LRRC7: variants seen among roughly 807,000 people sequenced by gnomAD.
LRRC7 encodes the protein leucine-rich repeat-containing protein 7.
A neutral mutation model predicts 175.7 loss-of-function variants in LRRC7; 23 were observed. The observed-to-expected ratio is 0.13, with a 90% CI of 0.09 to 0.19. LRRC7 has a LOEUF of 0.19. Ranked by LOEUF, LRRC7 falls within the 10% of genes least tolerant of loss-of-function variation. The probability of loss-of-function intolerance (pLI) is 1.00; values close to 1 mark genes in which losing one functional copy is unlikely to be tolerated. For missense variants in LRRC7, 1,354 were observed against 1,904.7 expected (o/e 0.71, Z 5.38); for synonymous variants, 685 against 680.9 (o/e 1.01, Z -0.09).
At chr1:69,951,363 T>C (rs1649906429) in intron 8 of LRRC7, among the ~76,000 whole-genome samples, 1 of 152,090 alleles carries the variant, frequency 6.6e-6, no homozygotes, top group African/African-American at 2.4e-5. Flanking sequence ...GTTCAACCAC[T>C]GTGGAAAGCA....
rs1261899483 is a variant in LRRC7 at position 70,136,396 on chromosome 1, C to T, written c.*14509C>T. On this transcript the variant is annotated 3_prime_UTR_variant, in exon 27 of 27. Coordinates refer to ENST00000651989, the MANE Select transcript of LRRC7 (RefSeq NM_001370785.2). The stretch of plus-strand genomic sequence containing the variant: ...GACCATTCTAAGGTTTGTCCTCTAG[C>T]CAATCTATATGTTTATCCTTTTTTA... 1.3e-5 allele frequency among the ~76,000 whole-genome samples: 2 copies of T among 152,052 alleles called. No individual in the cohort carries two copies. Among genetic ancestry groups the T allele is most frequent in the African/African-American group, 4.8e-5 (2 of 41,390 alleles).
intron 23 of LRRC7, among the ~76,000 whole-genome samples, chr1:70,070,089 G>C (rs773045339): frequency 1.3e-5 from 2 of 152,106 alleles, no homozygotes; most frequent in South Asian, 2.1e-4. Flanking sequence ...GACCTCCTGA[G>C]CTCAGGTGAT....
intron 4 of LRRC7, among the ~76,000 whole-genome samples, chr1:69,795,544 G>C (rs1464227024): frequency 6.6e-6 from 1 of 152,120 alleles, no homozygotes; most frequent in East Asian, 1.9e-4. Flanking sequence ...TGCTGAAAAA[G>C]AGGCAAGACC....
At chr1:70,031,780 C>A (rs546771529) in intron 18 of LRRC7, among the ~76,000 whole-genome samples, 11 of 150,688 alleles carry the variant, frequency 7.3e-5, no homozygotes, top group African/African-American at 2.7e-4. Context: ...CCCAGCTTCA[C>A]AAGGATTTTC....
At chr1:70,102,353 C>G (rs1047492468) in intron 25 of LRRC7, among the ~76,000 whole-genome samples, 1 of 152,040 alleles carries the variant, frequency 6.6e-6, no homozygotes, top group African/African-American at 2.4e-5. Flanking sequence ...GCCAATGTCC[C>G]CTTATTTGTT....
At chr1:69,585,433 A>G (rs1382534403) in intron 1 of LRRC7, among the ~76,000 whole-genome samples, 1 of 152,186 alleles carries the variant, frequency 6.6e-6, no homozygotes, top group Non-Finnish European at 1.5e-5. Context: ...AAGTTTTATT[A>G]CATCAGAAAA....
chr1:70,021,478 A>G (rs941652930), intron 16 of LRRC7: 8 of 171,144 alleles, frequency 4.7e-5, no homozygotes, highest in African/African-American at 1.9e-4. Context: ...TTTTTTAATC[A>G]CTGAGCAAAG....
intron 2 of LRRC7, among the ~76,000 whole-genome samples, chr1:69,745,757 G>A (rs183672372): frequency 3.8e-4 from 57 of 150,100 alleles, no homozygotes; most frequent in African/African-American, 1.2e-3. Flanking sequence ...ATTTCTTAGT[G>A]GTGCAACCTT....
At chr1:69,735,089 T>C (rs541478288) in intron 2 of LRRC7, among the ~76,000 whole-genome samples, 1 of 152,110 alleles carries the variant, frequency 6.6e-6, no homozygotes, top group South Asian at 2.1e-4. Flanking sequence ...CTTTAAATAT[T>C]TCATATTGCC....
chr1:69,931,710 T>C (rs1647401336), intron 8 of LRRC7, 140 bp downstream of exon 8: 1 of 708,070 alleles, frequency 1.4e-6, no homozygotes, highest in Non-Finnish European at 2.4e-6. Flanking sequence ...GAAGTTAATA[T>C]TAGCTTTCAC....
chr1:69,924,562 T>C (rs1031506825), intron 7 of LRRC7, among the ~76,000 whole-genome samples: 89 of 152,316 alleles, frequency 5.8e-4, no homozygotes, highest in Non-Finnish European at 1.1e-3. Flanking sequence ...CTTGAAGCAA[T>C]TGTGAATGGG....
chr1:69,746,711 A>G lies in LRRC7; in HGVS notation c.101-13480A>G, dbSNP rs1669295816. Among the ~76,000 whole-genome samples, 5 of 152,122 alleles carry G rather than the reference A, an allele frequency of 3.3e-5. No individual in the cohort carries two copies. In the South Asian group the frequency reaches 1.0e-3, roughly 31 times the overall value. On this transcript the variant is annotated intron_variant, in intron 2 of 26. Transcript: ENST00000651989. ...AATAAACAGCTCATGCTACCTCTAG[A>G]GATTGACAAGAAAACAATGGTAATA...
intron 8 of LRRC7, among the ~76,000 whole-genome samples, chr1:69,972,900 G>T (rs539787251): frequency 1.4e-5 from 2 of 147,084 alleles, no homozygotes; most frequent in South Asian, 2.1e-4. Flanking sequence ...TAGGGAAACT[G>T]TTTATATATA....
intron 23 of LRRC7, among the ~76,000 whole-genome samples, chr1:70,072,455 T>C (rs1199685471): frequency 6.6e-6 from 1 of 152,218 alleles, no homozygotes; most frequent in Non-Finnish European, 1.5e-5. Context: ...TTATTGTCCC[T>C]CTAGATGTCT....
chr1:69,570,180 C>A (rs1468970765), intron 1 of LRRC7, among the ~76,000 whole-genome samples: 1 of 152,052 alleles, frequency 6.6e-6, no homozygotes. Flanking sequence ...GAGAAGAGTG[C>A]ATTCCAGCGA....
chr1:70,018,610 CT>C (rs1450015459), intron 14 of LRRC7, 108 bp from the exon 15 acceptor site: 3 of 542,336 alleles, frequency 5.5e-6, no homozygotes, highest in Non-Finnish European at 9.4e-6. Flanking sequence ...TATTTTATTT[CT>C]TTTTTCACTT....
intron 7 of LRRC7, among the ~76,000 whole-genome samples, chr1:69,847,338 A>G (rs1457212254): frequency 6.6e-6 from 1 of 152,166 alleles, no homozygotes; most frequent in Non-Finnish European, 1.5e-5. Context: ...AAATACACAA[A>G]CAACCTAGTT....
chr1:69,597,857 A>C (rs1418009), intron 1 of LRRC7, among the ~76,000 whole-genome samples: 151,658 of 152,304 alleles, frequency 1, 75,509 homozygotes, highest in Non-Finnish European at 1. Flanking sequence ...GCAATATGAT[A>C]ATTTTCTTTG....
intron 26 of LRRC7, among the ~76,000 whole-genome samples, chr1:70,110,500 AT>A (rs1665455866): frequency 6.6e-6 from 1 of 152,216 alleles, no homozygotes; most frequent in Non-Finnish European, 1.5e-5. Context: ...AGGGTTCAGT[AT>A]TTCTAATCCT....
Sources: allele counts gnomAD v4.1 joint callset (sites outside exome capture counted in the v4.1 genomes callset), GRCh38; gene constraint gnomAD v4.1.1; transcripts MANE v1.5; gene names NCBI Gene and HGNC (gene_info 2026-07-23, HGNC 2026-07-21).